Variants in FRMD6 observed in about 807,000 individuals in gnomAD.
FRMD6 encodes the protein FERM domain containing 6, also known as FERM domain-containing protein 6.
FRMD6 carries 37 observed loss-of-function variants against 73.2 expected under a neutral mutation model. The ratio of observed to expected loss-of-function variants is 0.51; its 90% CI spans 0.39 to 0.66. The LOEUF is 0.66. FRMD6 is among the 30% of genes least tolerant of loss of function. FRMD6 has a pLI of 0.00. For synonymous variants in FRMD6, 273 were observed against 282.2 expected (o/e 0.97, Z 0.33); for missense variants, 714 against 780.5 (o/e 0.91, Z 1.02).
At chr14:51,673,451 T>C (rs973263558) in intron 1 of FRMD6, among the ~76,000 whole-genome samples, 1 of 152,204 alleles carries the variant, frequency 6.6e-6, no homozygotes, top group Non-Finnish European at 1.5e-5. Context: ...GGGAATCTTC[T>C]CAGTTCTTTT....
At chr14:51,666,925 C>T (rs553361334) in intron 1 of FRMD6, among the ~76,000 whole-genome samples, 5 of 152,162 alleles carry the variant, frequency 3.3e-5, no homozygotes, top group South Asian at 2.1e-4. Flanking sequence ...GCTGGAGCCC[C>T]GAAGTTTGAG....
At chr14:51,603,536 C>T (rs1890123003) in intron 2 of FRMD6, among the ~76,000 whole-genome samples, 1 of 151,912 alleles carries the variant, frequency 6.6e-6, no homozygotes, top group Non-Finnish European at 1.5e-5. Flanking sequence ...GAAAAACTTT[C>T]CTTTGATACT....
At chr14:51,684,924 C>T (rs1160341474) in intron 1 of FRMD6, among the ~76,000 whole-genome samples, 1 of 152,090 alleles carries the variant, frequency 6.6e-6, no homozygotes, top group African/African-American at 2.4e-5. Flanking sequence ...AGACAGACAA[C>T]TGAGGAGTAC....
chr14:51,501,603 T>G (rs969544758), intron 1 of FRMD6, among the ~76,000 whole-genome samples: 2 of 152,204 alleles, frequency 1.3e-5, no homozygotes, highest in Non-Finnish European at 2.9e-5. Flanking sequence ...CACATTTTCT[T>G]TATCCAGTCT....
At chr14:51,527,811 A>G (rs1885348332) in intron 1 of FRMD6, among the ~76,000 whole-genome samples, 1 of 152,172 alleles carries the variant, frequency 6.6e-6, no homozygotes, top group Non-Finnish European at 1.5e-5. Flanking sequence ...ATACATTAAC[A>G]TGGCTTCCAC....
At chr14:51,511,002 C>A (rs1455346959) in intron 1 of FRMD6, among the ~76,000 whole-genome samples, 2 of 152,058 alleles carry the variant, frequency 1.3e-5, no homozygotes, top group Non-Finnish European at 2.9e-5. Context: ...CGCCAAGAGG[C>A]CTATAACCCA....
At chr14:51,629,205 C>T (rs1891245473) in intron 2 of FRMD6, among the ~76,000 whole-genome samples, 1 of 152,138 alleles carries the variant, frequency 6.6e-6, no homozygotes, top group Admixed American at 6.6e-5. Flanking sequence ...CTTGGCATAA[C>T]GGTTTTGAAG....
At position 51,669,748 on chromosome 14, in the gene FRMD6, A is replaced by G. The variant is rs556741559; in HGVS notation, c.-147+17752A>G. The stretch of plus-strand genomic sequence containing the variant: ...TTTTTGGATTTAAGTCTTTAATCAG[A>G]TATGGTTTCTATTTTTCCAAATATG... On this transcript the variant is annotated intron_variant, in intron 1 of 13. Coordinates refer to ENST00000344768, the MANE Select transcript of FRMD6 (RefSeq NM_001267046.2). 4.6e-5 allele frequency among the ~76,000 whole-genome samples: 7 copies of G among 152,192 alleles called. No individual in the cohort carries two copies. In the South Asian group the frequency reaches 1.4e-3, roughly 32 times the overall value.
intron 1 of FRMD6, among the ~76,000 whole-genome samples, chr14:51,513,617 CT>C (rs1051839270): frequency 3.5e-4 from 27 of 78,240 alleles, no homozygotes; most frequent in African/African-American, 1.3e-3. Context: ...CTTCCTGAAT[CT>C]CTACATTTTT....
intron 11 of FRMD6, among the ~76,000 whole-genome samples, chr14:51,721,399 C>T (rs1305138148): frequency 6.6e-6 from 1 of 152,210 alleles, no homozygotes; most frequent in Non-Finnish European, 1.5e-5. Context: ...ATCACGAGGT[C>T]AAGAGATCAA....
intron 2 of FRMD6, among the ~76,000 whole-genome samples, chr14:51,582,128 T>G (rs896134156): frequency 2.0e-5 from 3 of 152,240 alleles, no homozygotes; most frequent in Non-Finnish European, 4.4e-5. Flanking sequence ...CTGACTAAAG[T>G]GGAAGCCTAT....
At chr14:51,691,585 T>C (rs1331095347) in intron 2 of FRMD6, among the ~76,000 whole-genome samples, 1 of 124,006 alleles carries the variant, frequency 8.1e-6, no homozygotes, top group Non-Finnish European at 1.7e-5. Context: ...TATTTTGATT[T>C]TGATTTTTTT....
chr14:51,643,136 G>T (rs1022772197), intron 2 of FRMD6, among the ~76,000 whole-genome samples: 2 of 152,142 alleles, frequency 1.3e-5, no homozygotes, highest in Non-Finnish European at 2.9e-5. Context: ...TTAAGAACTT[G>T]GGCATCTGTA....
chr14:51,634,455 C>G (rs1891466450), intron 2 of FRMD6, among the ~76,000 whole-genome samples: 1 of 152,130 alleles, frequency 6.6e-6, no homozygotes. Flanking sequence ...TTCCCAAAAC[C>G]AATTATTTGT....
Position 51,730,382 on chromosome 14 carries a change from G to GA in FRMD6, c.*2358dup, listed in dbSNP as rs1898193961. 1 of 152,098 alleles carries GA rather than the reference G, an allele frequency of 6.6e-6. No individual in the cohort carries two copies. The highest frequency in any genetic ancestry group is 2.1e-4 in the South Asian group (1 of 4,826). 9.4% of individuals were successfully genotyped at this position (152,098 alleles called of 1,614,324 possible). A position where few individuals can be genotyped will look rare whatever the true frequency, so the allele number is the denominator to read the frequency against. Reference sequence around the variant, plus strand: ...GCAGCAGAATTATATATATGTATAGGAAAAATCCACTTTGAATAATCCATG... The same window carrying GA: ...GCAGCAGAATTATATATATGTATAGGAAAAAATCCACTTTGAATAATCCATG... On this transcript the variant is annotated 3_prime_UTR_variant, in exon 14 of 14. Transcript: ENST00000344768.
chr14:51,574,045 T>A lies in FRMD6; in HGVS notation c.-147+3635T>A, dbSNP rs150617418. 1.8e-3 allele frequency among the ~76,000 whole-genome samples: 279 copies of A among 152,362 alleles called. 1 individual carries two copies. The highest frequency in any genetic ancestry group is 6.1e-3 in the African/African-American group (252 of 41,586). ...AGCATCTCTTGGGTAACAGTTTTCA[T>A]AGAATTGCTAGCCACAGGGTGACTT... is the stretch of plus-strand genomic sequence containing the variant. On this transcript the variant is annotated intron_variant, in intron 2 of 14. Transcript: ENST00000356218.
At chr14:51,657,021 A>G (rs573740003) in intron 1 of FRMD6, among the ~76,000 whole-genome samples, 1 of 152,354 alleles carries the variant, frequency 6.6e-6, no homozygotes, top group South Asian at 2.1e-4. Context: ...GAATTAATTT[A>G]TAGCCACAGT....
rs960967711 is a variant in FRMD6, at chr14:51,592,059, C to T, written c.-147+21649C>T. ...CTCCATAGGAAAAAAGTTACCATTACAAATACACCAAAAAGTTAATATAGG... is the reference window on the plus strand; with the variant it reads ...CTCCATAGGAAAAAAGTTACCATTATAAATACACCAAAAAGTTAATATAGG... On this transcript the variant is annotated intron_variant, in intron 2 of 14. Coordinates refer to the FRMD6 transcript ENST00000356218. Among the ~76,000 whole-genome samples the T allele has an allele frequency of 2.6e-5, 4 of 152,308 alleles. No homozygotes were observed. In the South Asian group the frequency reaches 6.2e-4, roughly 24 times the overall value.
Position 51,728,071 on chromosome 14 carries a change from T to A in FRMD6, c.*42T>A, listed in dbSNP as rs1566605666. On this transcript the variant is annotated 3_prime_UTR_variant, in exon 14 of 14. Coordinates refer to ENST00000344768, the MANE Select transcript of FRMD6 (RefSeq NM_001267046.2). Reference sequence around the variant, plus strand: ...GCTGTACAGGCAGCTTACTGTTTGCTAGAGGATGCGAAAGTCATAAGTTCT... The same window carrying A: ...GCTGTACAGGCAGCTTACTGTTTGCAAGAGGATGCGAAAGTCATAAGTTCT... 6.4e-7 allele frequency: 1 copy of A among 1,560,218 alleles called. No individual in the cohort carries two copies. The highest frequency in any genetic ancestry group is 1.8e-5 in the Admixed American group (1 of 56,516).
Sources: gnomAD v4.1 joint callset for allele counts (sites outside exome capture counted in the v4.1 genomes callset) on GRCh38, gnomAD v4.1.1 for gene constraint, MANE v1.5 for transcripts, NCBI Gene and HGNC (gene_info 2026-07-23, HGNC 2026-07-21) for gene names.